SLC5A10: variants seen among roughly 807,000 people sequenced by gnomAD.
SLC5A10 encodes the protein sodium/mannose cotransporter SLC5A10.
A neutral mutation model predicts 68.9 loss-of-function variants in SLC5A10; 55 were observed. The observed-to-expected ratio is 0.80, with a 90% CI of 0.64 to 1.00. The LOEUF is 1.00. Ranked by LOEUF, SLC5A10 falls within the 50% of genes least tolerant of loss-of-function variation. The pLI is 0.00. For synonymous variants in SLC5A10, 344 were observed against 344.8 expected, an observed-to-expected ratio of 1.00 and a Z score of 0.02; for missense variants, 732 against 819.3, an observed-to-expected ratio of 0.89 and a Z score of 1.30.
chr17:18,984,564 T>C (rs1226682365), intron 9 of SLC5A10, among the ~76,000 whole-genome samples: 1 of 152,188 alleles, frequency 6.6e-6, no homozygotes, highest in African/African-American at 2.4e-5. Flanking sequence ...TCTTTGTTCA[T>C]CAGAAACGGG....
intron 5 of SLC5A10, among the ~76,000 whole-genome samples, chr17:18,962,689 G>T (rs905891172): frequency 3.3e-5 from 5 of 152,136 alleles, no homozygotes; most frequent in African/African-American, 1.2e-4. Context: ...GAGTGACATG[G>T]TCGTGTTTGT....
At position 18,969,126 on chromosome 17, in the gene SLC5A10, G is replaced by A. The variant is rs144232155; in HGVS notation, c.528G>A (p.Thr176=). ...ACTTCTACCTCTCCACCATCCTCAC[G>A]CTCGGCATCACAGCCCTGTACACCA... The part of the protein sequence containing the change: ...GWNFYLSTIL[T]LGITALYTIA... Residue 176 remains threonine, a synonymous_variant, in exon 6 of 15, where the codon ACG becomes ACA. Coordinates refer to ENST00000395645, the MANE Select transcript of SLC5A10 (RefSeq NM_001042450.4). 7 of 1,613,972 alleles carry A rather than the reference G, an allele frequency of 4.3e-6. No homozygotes were observed. The highest frequency in any genetic ancestry group is 1.7e-5 in the Admixed American group (1 of 60,004).
At chr17:18,961,506 C>T (rs979038865) in intron 5 of SLC5A10, among the ~76,000 whole-genome samples, 1 of 152,190 alleles carries the variant, frequency 6.6e-6, no homozygotes, top group African/African-American at 2.4e-5. Context: ...GCAGGACCAC[C>T]GTGTGAGGGC....
chr17:18,987,256 T>C (rs2043293363), intron 9 of SLC5A10, among the ~76,000 whole-genome samples: 2 of 152,166 alleles, frequency 1.3e-5, no homozygotes, highest in African/African-American at 4.8e-5. Context: ...CCACTATCTT[T>C]AACTTGCTAG....
intron 9 of SLC5A10, among the ~76,000 whole-genome samples, chr17:18,988,776 A>G (rs1200057586): frequency 6.6e-6 from 1 of 152,198 alleles, no homozygotes; most frequent in Non-Finnish European, 1.5e-5. Flanking sequence ...CATCCCCTAC[A>G]TTCCTGGGCT....
Position 19,019,528 on chromosome 17 carries a change from C to G in SLC5A10, c.1347C>G (p.Ser449=), listed in dbSNP as rs754227237. 5 of 1,612,350 alleles carry G rather than the reference C, an allele frequency of 3.1e-6. No homozygotes were observed. The Admixed American group carries it at 6.7e-5, about 22-fold the overall frequency. The change falls in exon 12 of 15, where the codon TCC becomes TCG. Residue 449 remains serine, a synonymous_variant. Coordinates refer to ENST00000395645, the MANE Select transcript of SLC5A10 (RefSeq NM_001042450.4). ...TCTACATGCAGTCAGTGACCAGCTC[C>G]CTGGCCCCACCAGTGACTGCAGTCT... ...LFIYMQSVTS[S]LAPPVTAVFV...
In SLC5A10 at chr17:19,020,557, A is replaced by C. The variant is rs185228977; in HGVS notation, c.*126A>C. 401 of 846,790 alleles carry C rather than the reference A, an allele frequency of 4.7e-4. 1 individual carries two copies. The African/African-American group carries it at 6.3e-3, about 13-fold the overall frequency. The allele number at this position is 846,790 out of a possible 1,614,324, so 52.5% of individuals were successfully genotyped here. ...CAGCTGCACAGCAGCTCGGTGCCCA[A>C]GAACTGGCCAAGCCAGCAAAGCGGG... On this transcript the variant is annotated 3_prime_UTR_variant, in exon 15 of 15. Transcript: ENST00000395645.
At chr17:18,966,293 A>G (rs1363966406) in intron 5 of SLC5A10, among the ~76,000 whole-genome samples, 1 of 152,104 alleles carries the variant, frequency 6.6e-6, no homozygotes, top group Admixed American at 6.5e-5. Context: ...CTCCGGCCCC[A>G]TGGGTGGCAG....
At chr17:18,977,095 TG>T in intron 9 of SLC5A10, 106 bp downstream of exon 9, 1 of 1,498,158 alleles carries the variant, frequency 6.7e-7, no homozygotes, top group Non-Finnish European at 9.0e-7. Context: ...AGATGTGAAC[TG>T]TTCCCCAACC....
intron 9 of SLC5A10, among the ~76,000 whole-genome samples, chr17:19,005,686 A>G (rs1026645296): frequency 2.1e-5 from 3 of 146,202 alleles, no homozygotes; most frequent in African/African-American, 7.7e-5. Context: ...TTCATGGCCC[A>G]TCAGGACTCC....
intron 9 of SLC5A10, among the ~76,000 whole-genome samples, chr17:18,999,646 C>G: frequency 6.6e-6 from 1 of 152,244 alleles, no homozygotes; most frequent in East Asian, 1.9e-4. Flanking sequence ...TAAGCTGCTT[C>G]TATTCTCTCA....
At chr17:18,988,298 C>T (rs753831362) in intron 9 of SLC5A10, 2 of 1,614,044 alleles carry the variant, frequency 1.2e-6, no homozygotes, top group African/African-American at 2.7e-5. Flanking sequence ...GCAGGAAGTA[C>T]TTGACGTTAC....
chr17:18,971,757 G>C lies in SLC5A10; in HGVS notation c.846+539G>C. 1.9e-6 allele frequency: 3 copies of C among 1,548,342 alleles called. No individual in the cohort carries two copies. Among genetic ancestry groups the C allele is most frequent in the East Asian group, 2.3e-5 (1 of 44,206 alleles). On this transcript the variant is annotated intron_variant, in intron 8 of 14. Transcript: ENST00000395645. The surrounding 1 kb of genome is among the most constrained non-coding windows in gnomAD (Gnocchi z 5.5). ...TGATGAAACTGCTGGCCCTGGGAGA[G>C]AGAGAGCAGAGAGTGAGGCTGAGCA...
chr17:18,963,547 G>A (rs909851093), intron 5 of SLC5A10, among the ~76,000 whole-genome samples: 3 of 152,254 alleles, frequency 2.0e-5, no homozygotes, highest in Non-Finnish European at 1.5e-5. Flanking sequence ...GGCTGCGAGA[G>A]GACTGGGGCT....
intron 9 of SLC5A10, among the ~76,000 whole-genome samples, chr17:19,007,203 T>TTC (rs1374745071): frequency 6.6e-6 from 1 of 151,760 alleles, no homozygotes; most frequent in Non-Finnish European, 1.5e-5. Flanking sequence ...ATTTTTTTTT[T>TTC]TTTTTTTGGC....
At chr17:18,988,852 T>C (rs370790537) in intron 9 of SLC5A10, among the ~76,000 whole-genome samples, 47 of 152,332 alleles carry the variant, frequency 3.1e-4, no homozygotes, top group African/African-American at 1.1e-3. Flanking sequence ...TCTGTCCCCA[T>C]AGCAGGTGAC....
At chr17:18,954,584 G>A (rs1003001618) in intron 1 of SLC5A10, among the ~76,000 whole-genome samples, 4 of 152,248 alleles carry the variant, frequency 2.6e-5, no homozygotes, top group African/African-American at 9.6e-5. Context: ...GGGAGAAGCA[G>A]ACAGAGCAAG....
chr17:18,952,659 GAAC>G (rs902030107), intron 1 of SLC5A10: 10 of 195,610 alleles, frequency 5.1e-5, no homozygotes, highest in Non-Finnish European at 8.3e-5. Flanking sequence ...CTGTCTGCTT[GAAC>G]AACAGGCTCC....
intron 9 of SLC5A10, among the ~76,000 whole-genome samples, chr17:19,007,267 T>G (rs1359166994): frequency 6.6e-6 from 1 of 151,862 alleles, no homozygotes; most frequent in Non-Finnish European, 1.5e-5. Context: ...GCTTTCCTGA[T>G]GGCTAATGTC....
Sources: allele counts gnomAD v4.1 joint callset (sites outside exome capture counted in the v4.1 genomes callset), GRCh38; gene constraint gnomAD v4.1.1; non-coding constraint Gnocchi (gnomAD v3.1); transcripts MANE v1.5; gene names NCBI Gene and HGNC (gene_info 2026-07-23, HGNC 2026-07-21).